Variants in DOCK3 observed in about 807,000 individuals in gnomAD.
DOCK3 encodes the protein dedicator of cytokinesis protein 3.
In DOCK3, 60 loss-of-function variants were observed where a neutral mutation model predicts 265.6. That is an observed-to-expected ratio of 0.23 (90% CI 0.18 to 0.28). DOCK3 has a LOEUF of 0.28. Ranked by LOEUF, DOCK3 falls within the 10% of genes least tolerant of loss-of-function variation. The pLI is 1.00. For missense variants in DOCK3, 1,981 were observed against 2,594.3 expected (o/e 0.76, Z 5.14); for synonymous variants, 881 against 938.0 (o/e 0.94, Z 1.11).
intron 1 of DOCK3, among the ~76,000 whole-genome samples, chr3:50,694,249 G>C (rs1395668254): frequency 6.6e-6 from 1 of 151,832 alleles, no homozygotes; most frequent in Admixed American, 6.6e-5. Context: ...CAGCCTGGGG[G>C]ATAGAGCGAG....
At chr3:51,266,417 G>C (rs1439761869) in intron 23 of DOCK3, among the ~76,000 whole-genome samples, 1 of 152,180 alleles carries the variant, frequency 6.6e-6, no homozygotes, top group African/African-American at 2.4e-5. Context: ...TATACTACCT[G>C]ACTTCAAACT....
intron 4 of DOCK3, among the ~76,000 whole-genome samples, chr3:50,918,171 TG>T (rs1382126088): frequency 1.3e-5 from 2 of 152,166 alleles, no homozygotes; most frequent in African/African-American, 2.4e-5. Flanking sequence ...GATGGACATT[TG>T]GGTTGGTTCC....
chr3:50,766,326 A>G (rs1275050056), intron 1 of DOCK3, among the ~76,000 whole-genome samples: 1 of 131,926 alleles, frequency 7.6e-6, no homozygotes, highest in Non-Finnish European at 1.5e-5. Context: ...CCTATGTCCA[A>G]GTGTTCTCAT....
intron 5 of DOCK3, among the ~76,000 whole-genome samples, chr3:51,024,724 G>T (rs1180596032): frequency 6.6e-6 from 1 of 152,222 alleles, no homozygotes; most frequent in East Asian, 1.9e-4. Flanking sequence ...CTGTGGGGCT[G>T]CAGTCATCCT....
intron 1 of DOCK3, among the ~76,000 whole-genome samples, chr3:50,755,310 T>C (rs2040091715): frequency 6.6e-6 from 1 of 152,246 alleles, no homozygotes. Flanking sequence ...GTTTTAAACA[T>C]CTTGCATTTT....
At chr3:51,207,569 A>G (rs2089284212) in intron 12 of DOCK3, among the ~76,000 whole-genome samples, 1 of 152,134 alleles carries the variant, frequency 6.6e-6, no homozygotes, top group Admixed American at 6.5e-5. Context: ...ATATATTTTT[A>G]TGGCCAAGGA....
At chr3:50,684,963 G>A (rs898108852) in intron 1 of DOCK3, among the ~76,000 whole-genome samples, 2 of 151,508 alleles carry the variant, frequency 1.3e-5, no homozygotes, top group Non-Finnish European at 2.9e-5. Context: ...GAACATAAAG[G>A]TGATGTCTTA....
At chr3:50,795,112 T>C (rs1022522441) in intron 2 of DOCK3, among the ~76,000 whole-genome samples, 12 of 152,202 alleles carry the variant, frequency 7.9e-5, no homozygotes, top group Admixed American at 6.5e-5. Flanking sequence ...GTTAGTCTGA[T>C]GGGTTTGCCT....
chr3:50,919,836 A>T (rs892756511), intron 4 of DOCK3, among the ~76,000 whole-genome samples: 2 of 152,220 alleles, frequency 1.3e-5, no homozygotes, highest in Admixed American at 6.5e-5. Flanking sequence ...GCCAGTTTTC[A>T]AAGGGAATGC....
intron 33 of DOCK3, among the ~76,000 whole-genome samples, chr3:51,332,354 C>CCTGA (rs2084580882): frequency 6.6e-6 from 1 of 152,192 alleles, no homozygotes; most frequent in South Asian, 2.1e-4. Context: ...CAGGGGCTGC[C>CCTGA]CTGAGGTACC....
At chr3:51,325,928 G>T (rs948366020) in intron 32 of DOCK3, among the ~76,000 whole-genome samples, 3 of 152,078 alleles carry the variant, frequency 2.0e-5, no homozygotes, top group Non-Finnish European at 2.9e-5. Flanking sequence ...GGGGGGCTAG[G>T]GGAGGGATAG....
chr3:50,951,591 G>A (rs559582723), intron 5 of DOCK3, among the ~76,000 whole-genome samples: 19 of 152,264 alleles, frequency 1.2e-4, no homozygotes, highest in Non-Finnish European at 2.4e-4. Context: ...ACATAAAATA[G>A]TGTTTAAAAT....
rs373603599 is a variant in DOCK3 at position 50,763,350 on chromosome 3, C to T, written c.38-15325C>T. Among the ~76,000 whole-genome samples the T allele has an allele frequency of 3.3e-5, 5 of 152,108 alleles. No homozygotes were observed. In the East Asian group the frequency reaches 5.8e-4, roughly 18 times the overall value. On this transcript the variant is annotated intron_variant, in intron 1 of 52. Coordinates refer to ENST00000266037, the MANE Select transcript of DOCK3 (RefSeq NM_004947.5). ...GGCTGGAGTGCAGTGGTGAGATACA[C>T]GGCTCCCTGCAACTTCTGCTTCCCG...
At chr3:50,737,215 G>GT (rs2038693979) in intron 1 of DOCK3, among the ~76,000 whole-genome samples, 1 of 152,060 alleles carries the variant, frequency 6.6e-6, no homozygotes, top group Non-Finnish European at 1.5e-5. Context: ...ATTAGATCCC[G>GT]TTTGTCAATT....
intron 27 of DOCK3, among the ~76,000 whole-genome samples, chr3:51,283,765 G>A (rs2081264880): frequency 1.3e-5 from 2 of 152,178 alleles, no homozygotes; most frequent in African/African-American, 4.8e-5. Flanking sequence ...CCAAGGGACT[G>A]CATCCTAAAC....
chr3:50,754,963 TAA>T (rs1220413524), intron 1 of DOCK3, among the ~76,000 whole-genome samples: 1 of 151,992 alleles, frequency 6.6e-6, no homozygotes, highest in Non-Finnish European at 1.5e-5. Flanking sequence ...GTTTCATATA[TAA>T]GTATTTTTTA....
intron 12 of DOCK3, among the ~76,000 whole-genome samples, chr3:51,172,300 C>T (rs150678371): frequency 0.05 from 7,678 of 152,080 alleles, 268 homozygotes; most frequent in Middle Eastern, 0.078. Flanking sequence ...CTCAGCCTCC[C>T]GAGTTGCTGG....
chr3:50,823,805 C>T (rs1364565759), intron 2 of DOCK3, among the ~76,000 whole-genome samples: 1 of 152,204 alleles, frequency 6.6e-6, no homozygotes, highest in Admixed American at 6.5e-5. Context: ...GCTGACTCCC[C>T]CACCTCCCTC....
intron 14 of DOCK3, among the ~76,000 whole-genome samples, chr3:51,216,110 C>T (rs1376325545): frequency 6.6e-6 from 1 of 152,064 alleles, no homozygotes; most frequent in Non-Finnish European, 1.5e-5. Flanking sequence ...ACTTAAAGTC[C>T]TTCCTTTCTC....
Sources: allele counts gnomAD v4.1 joint callset (sites outside exome capture counted in the v4.1 genomes callset), GRCh38; gene constraint gnomAD v4.1.1; transcripts MANE v1.5; gene names NCBI Gene and HGNC (gene_info 2026-07-23, HGNC 2026-07-21).